Variants in CDH13 observed in about 807,000 individuals in gnomAD.
The protein encoded by CDH13 is cadherin-13.
Under a neutral mutation model 63.8 loss-of-function variants are expected in CDH13, and 24 were observed. The observed-to-expected ratio is 0.38, with a 90% confidence interval of 0.27 to 0.53. The LOEUF is 0.53. Among genes scored for constraint, CDH13 ranks in the 20% least tolerant of loss-of-function variants. The pLI, the probability that CDH13 is intolerant of heterozygous loss-of-function variation, is 0.85. For missense variants in CDH13, 1,049 were observed against 903.1 expected (o/e 1.16, Z -2.07); for synonymous variants, 503 against 355.3 (o/e 1.42, Z -4.67).
chr16:83,424,980 A>C (rs886501629), intron 6 of CDH13, among the ~76,000 whole-genome samples: 5 of 152,236 alleles, frequency 3.3e-5, no homozygotes, highest in African/African-American at 1.2e-4. Context: ...TGCAACAAAA[A>C]GTCCCAAGGT....
chr16:83,734,856 C>A (rs913926851), intron 10 of CDH13, among the ~76,000 whole-genome samples: 1 of 151,698 alleles, frequency 6.6e-6, no homozygotes, highest in African/African-American at 2.4e-5. Context: ...TCCTCATTAT[C>A]CAGAGGCAGT....
intron 10 of CDH13, among the ~76,000 whole-genome samples, chr16:83,682,306 G>T (rs959335088): frequency 5.9e-5 from 9 of 152,106 alleles, no homozygotes; most frequent in African/African-American, 2.2e-4. Context: ...TCATAAGGAG[G>T]TGGGAAGAGG....
At chr16:83,088,875 G>C (rs1038698259) in intron 3 of CDH13, among the ~76,000 whole-genome samples, 1 of 152,132 alleles carries the variant, frequency 6.6e-6, no homozygotes, top group African/African-American at 2.4e-5. Flanking sequence ...AACAACCACA[G>C]GCTAGATATA....
chr16:83,364,509 TC>T (rs1210992733), intron 6 of CDH13, among the ~76,000 whole-genome samples: 1 of 152,170 alleles, frequency 6.6e-6, no homozygotes, highest in East Asian at 1.9e-4. Context: ...TCCCTTCACA[TC>T]TTCTCTAAGA....
At chr16:83,513,987 TGTTAAAA>T (rs758651725) in intron 7 of CDH13, among the ~76,000 whole-genome samples, 11 of 152,166 alleles carry the variant, frequency 7.2e-5, no homozygotes, top group Non-Finnish European at 8.8e-5. Context: ...CTGTCTTGTA[TGTTAAAA>T]GTTCATCATC....
At chr16:82,921,810 T>C (rs961301631) in intron 2 of CDH13, among the ~76,000 whole-genome samples, 1 of 152,182 alleles carries the variant, frequency 6.6e-6, no homozygotes, top group Admixed American at 6.5e-5. Context: ...TGGGAGAGTT[T>C]GTAAAATACT....
intron 1 of CDH13, among the ~76,000 whole-genome samples, chr16:82,687,775 T>A (rs920727737): frequency 1.3e-5 from 2 of 152,116 alleles, no homozygotes; most frequent in Non-Finnish European, 1.5e-5. Flanking sequence ...TCCATTCTGA[T>A]CTCATTCTAT....
chr16:83,201,999 G>C (rs1274514809), intron 4 of CDH13, among the ~76,000 whole-genome samples: 1 of 152,146 alleles, frequency 6.6e-6, no homozygotes, highest in Non-Finnish European at 1.5e-5. Context: ...AGCCTGCATG[G>C]GATTCATTTA....
chr16:82,942,695 C>T (rs1290941763), intron 2 of CDH13, among the ~76,000 whole-genome samples: 1 of 151,786 alleles, frequency 6.6e-6, no homozygotes, highest in Non-Finnish European at 1.5e-5. Flanking sequence ...AGGAAGATGC[C>T]CAAGAAGAAG....
chr16:83,190,625 G>C (rs1307672650), intron 4 of CDH13, among the ~76,000 whole-genome samples: 1 of 152,100 alleles, frequency 6.6e-6, no homozygotes, highest in East Asian at 1.9e-4. Context: ...TATAGAGACT[G>C]ATCAATTTAC....
At chr16:83,431,354 G>T (rs2072100952) in intron 6 of CDH13, among the ~76,000 whole-genome samples, 1 of 151,874 alleles carries the variant, frequency 6.6e-6, no homozygotes. Context: ...GTTCTTTTAC[G>T]ATCCTGGTCC....
rs571381998 is a variant in CDH13 at position 83,425,296 on chromosome 16, C to T, written c.782-61181C>T. On this transcript the variant is annotated intron_variant, in intron 6 of 13. Coordinates refer to ENST00000567109, the MANE Select transcript of CDH13 (RefSeq NM_001257.5). ...CTAACGTTAGTTCCAGCCAGTGTTTCAGCCACAGGACATCTCGGAAAGGTG... is the reference window on the plus strand; with the variant it reads ...CTAACGTTAGTTCCAGCCAGTGTTTTAGCCACAGGACATCTCGGAAAGGTG... Among the ~76,000 whole-genome samples, 4 of 152,354 alleles carry T rather than the reference C, an allele frequency of 2.6e-5. 1 individual carries two copies. The highest frequency in any genetic ancestry group is 9.6e-5 in the African/African-American group (4 of 41,596).
chr16:83,416,736 A>C (rs914136755), intron 6 of CDH13, among the ~76,000 whole-genome samples: 3 of 152,204 alleles, frequency 2.0e-5, no homozygotes, highest in African/African-American at 7.2e-5. Context: ...AAGATGAATA[A>C]AAGCACAAAT....
intron 10 of CDH13, among the ~76,000 whole-genome samples, chr16:83,741,972 T>C (rs1450345564): frequency 6.6e-6 from 1 of 152,168 alleles, no homozygotes; most frequent in Non-Finnish European, 1.5e-5. Flanking sequence ...CACCTGTTCA[T>C]GGAAAAATTG....
At chr16:83,401,233 G>A (rs921795697) in intron 6 of CDH13, among the ~76,000 whole-genome samples, 1 of 152,022 alleles carries the variant, frequency 6.6e-6, no homozygotes, top group African/African-American at 2.4e-5. Context: ...AGCTACTTTG[G>A]GGGGCTGAGG....
intron 7 of CDH13, among the ~76,000 whole-genome samples, chr16:83,554,241 A>G (rs2075562109): frequency 6.6e-6 from 1 of 152,190 alleles, no homozygotes; most frequent in African/African-American, 2.4e-5. Context: ...TAGGCAATGG[A>G]GGAGAGCCAA....
At chr16:83,042,928 G>A (rs1377982803) in intron 3 of CDH13, among the ~76,000 whole-genome samples, 2 of 152,232 alleles carry the variant, frequency 1.3e-5, no homozygotes, top group African/African-American at 2.4e-5. Flanking sequence ...GATTTAACAA[G>A]TGTGATAACT....
chr16:83,088,224 T>C (rs548304003), intron 3 of CDH13, among the ~76,000 whole-genome samples: 3 of 152,336 alleles, frequency 2.0e-5, no homozygotes, highest in African/African-American at 7.2e-5. Context: ...GATTCAACTC[T>C]GACATGTTAT....
chr16:82,863,834 A>T (rs913964328), intron 2 of CDH13, among the ~76,000 whole-genome samples: 2 of 152,206 alleles, frequency 1.3e-5, no homozygotes, highest in African/African-American at 4.8e-5. Context: ...ATTGTAGGGC[A>T]TTTGAACTTC....
Sources: gnomAD v4.1 joint callset for allele counts (sites outside exome capture counted in the v4.1 genomes callset) on GRCh38, gnomAD v4.1.1 for gene constraint, MANE v1.5 for transcripts, NCBI Gene and HGNC (gene_info 2026-07-23, HGNC 2026-07-21) for gene names.